Variants in CCDC91 observed in about 807,000 individuals in gnomAD.
CCDC91 encodes the protein coiled-coil domain-containing protein 91.
In CCDC91, 48 loss-of-function variants were observed where a neutral mutation model predicts 63.2. The observed-to-expected ratio is 0.76, with a 90% confidence interval of 0.60 to 0.97. The LOEUF is 0.97. Among genes scored for constraint, CCDC91 ranks in the 50% least tolerant of loss-of-function variants. The pLI is 0.00. For missense variants in CCDC91, 500 were observed against 494.6 expected, an observed-to-expected ratio of 1.01 and a Z score of -0.10; for synonymous variants, 167 against 165.8, an observed-to-expected ratio of 1.01 and a Z score of -0.06.
chr12:28,523,318 C>T lies in CCDC91; in HGVS notation c.1216-25745C>T, dbSNP rs561100368. Among the ~76,000 whole-genome samples, 6 of 152,282 alleles carry T rather than the reference C, an allele frequency of 3.9e-5. No individual in the cohort carries two copies. In the East Asian group the frequency reaches 1.2e-3, roughly 29 times the overall value. On this transcript the variant is annotated intron_variant, in intron 12 of 12. Transcript: ENST00000536442. ...TCTTCTTGTTGAATTGATCCCTTTA[C>T]CATTATGTAATGGCCTTCTTTGTCT... is the stretch of plus-strand genomic sequence containing the variant.
intron 8 of CCDC91, among the ~76,000 whole-genome samples, chr12:28,435,807 CA>C (rs1415894031): frequency 6.6e-6 from 1 of 151,634 alleles, no homozygotes; most frequent in African/African-American, 2.4e-5. Context: ...AGTTTGCATC[CA>C]AATTGTTATG....
rs775223729 is a variant in CCDC91 at position 28,362,412 on chromosome 12, T to C, written c.577-26T>C. 3.4e-6 allele frequency: 5 copies of C among 1,486,466 alleles called. No homozygotes were observed. The African/African-American group carries it at 5.6e-5, about 17-fold the overall frequency. 92.1% of individuals were successfully genotyped at this position (1,486,466 alleles called of 1,614,324 possible). On this transcript the variant is annotated intron_variant, in intron 6 of 12. Transcript: ENST00000536442. ...GAAAACAAAACAGAAGAAAAACTCA[T>C]GGTTTTAGTTTCTTTTTTCTTTCAG...
intron 8 of CCDC91, among the ~76,000 whole-genome samples, chr12:28,402,936 G>A (rs1357926207): frequency 6.6e-6 from 1 of 152,080 alleles, no homozygotes; most frequent in Non-Finnish European, 1.5e-5. Context: ...TTGATATGGT[G>A]GGTTACATTA....
chr12:28,213,295 A>G (rs1943362089), intron 1 of CCDC91, among the ~76,000 whole-genome samples: 1 of 152,180 alleles, frequency 6.6e-6, no homozygotes. Flanking sequence ...CTATAACTAC[A>G]CTCAAGTCTT....
chr12:28,359,592 A>G (rs1229228922), intron 6 of CCDC91, among the ~76,000 whole-genome samples: 1 of 152,152 alleles, frequency 6.6e-6, no homozygotes, highest in African/African-American at 2.4e-5. Context: ...ATATGTGAAT[A>G]TATGTTGTTA....
intron 8 of CCDC91, among the ~76,000 whole-genome samples, chr12:28,443,739 G>C (rs942367510): frequency 6.6e-6 from 1 of 152,056 alleles, no homozygotes; most frequent in African/African-American, 2.4e-5. Flanking sequence ...AAGCTAACTG[G>C]GATGACAGAA....
chr12:28,341,386 G>A (rs925662987), intron 6 of CCDC91, among the ~76,000 whole-genome samples: 2 of 151,986 alleles, frequency 1.3e-5, no homozygotes, highest in Non-Finnish European at 2.9e-5. Flanking sequence ...AGCACTTTCC[G>A]GCCCCCCTCC....
chr12:28,237,229 T>TACACACACACACAC (rs1354315062), intron 1 of CCDC91, among the ~76,000 whole-genome samples: 10 of 23,328 alleles, frequency 4.3e-4, no homozygotes, highest in Admixed American at 1.6e-3. Context: ...ACATGTGTAT[T>TACACACACACACAC]ACACATACAC....
At chr12:28,355,298 A>G (rs1270222871) in intron 6 of CCDC91, among the ~76,000 whole-genome samples, 2 of 152,170 alleles carry the variant, frequency 1.3e-5, no homozygotes, top group East Asian at 3.8e-4. Flanking sequence ...TTGAAGTAGC[A>G]GTGGGAACAG....
chr12:28,362,499 T>C lies in CCDC91; in HGVS notation c.638T>C (p.Ile213Thr), dbSNP rs1316757897. Reference protein sequence around the residue: ...RKAGHEALSIIVDEYKALLQS... With the variant: ...RKAGHEALSITVDEYKALLQS... ...GCTGGTCACGAAGCCCTCAGCATTA[T>C]TGTGGATGAATATAAGGTAGAGGTT... Residue 213 changes from isoleucine to threonine, a missense_variant, in exon 7 of 13, where the codon ATT (isoleucine) becomes ACT (threonine). Ile to Thr is a moderately conservative substitution (Grantham distance 89, BLOSUM62 -1). Coordinates refer to ENST00000536442, the MANE Select transcript of CCDC91 (RefSeq NM_018318.5). 3 of 1,594,668 alleles carry C rather than the reference T, an allele frequency of 1.9e-6. No homozygotes were observed. Among genetic ancestry groups the C allele is most frequent in the Non-Finnish European group, 2.6e-6 (3 of 1,170,084 alleles).
At chr12:28,271,152 A>G (rs1947743659) in intron 3 of CCDC91, among the ~76,000 whole-genome samples, 1 of 152,128 alleles carries the variant, frequency 6.6e-6, no homozygotes, top group African/African-American at 2.4e-5. Context: ...CAGGATTAGC[A>G]AGGCAAACGC....
At chr12:28,503,635 C>T (rs1408128185) in intron 12 of CCDC91, among the ~76,000 whole-genome samples, 2 of 152,062 alleles carry the variant, frequency 1.3e-5, no homozygotes, top group East Asian at 1.9e-4. Flanking sequence ...CACATGCACA[C>T]GTATGTTTAT....
At chr12:28,417,928 T>C (rs1397058166) in intron 8 of CCDC91, among the ~76,000 whole-genome samples, 1 of 152,110 alleles carries the variant, frequency 6.6e-6, no homozygotes, top group Non-Finnish European at 1.5e-5. Flanking sequence ...TGGTCCTACA[T>C]TGAGTGGTAA....
At chr12:28,330,967 A>G (rs553525274) in intron 6 of CCDC91, among the ~76,000 whole-genome samples, 2 of 152,330 alleles carry the variant, frequency 1.3e-5, no homozygotes, top group East Asian at 3.9e-4. Flanking sequence ...AGTAAGGATA[A>G]TAAAACTGAT....
intron 12 of CCDC91, among the ~76,000 whole-genome samples, chr12:28,520,587 T>C (rs916688529): frequency 1.3e-5 from 2 of 152,196 alleles, no homozygotes; most frequent in African/African-American, 2.4e-5. Context: ...TAGATCCCAT[T>C]TGTCAATTTT....
At chr12:28,393,274 G>A (rs1946062699) in intron 8 of CCDC91, among the ~76,000 whole-genome samples, 1 of 152,002 alleles carries the variant, frequency 6.6e-6, no homozygotes, top group Non-Finnish European at 1.5e-5. Flanking sequence ...TACAGTTAAG[G>A]GTAATGATTC....
At chr12:28,399,419 G>A (rs1946482557) in intron 8 of CCDC91, among the ~76,000 whole-genome samples, 1 of 152,134 alleles carries the variant, frequency 6.6e-6, no homozygotes, top group African/African-American at 2.4e-5. Flanking sequence ...CAAAATTCAA[G>A]ATGAGATTTG....
intron 8 of CCDC91, among the ~76,000 whole-genome samples, chr12:28,408,187 A>G (rs1191872839): frequency 6.6e-6 from 1 of 151,798 alleles, no homozygotes; most frequent in African/African-American, 2.4e-5. Flanking sequence ...CCCAGTGTCC[A>G]TGTGTTCTCA....
At chr12:28,298,423 C>T (rs1038832303) in intron 3 of CCDC91, among the ~76,000 whole-genome samples, 1 of 148,404 alleles carries the variant, frequency 6.7e-6, no homozygotes, top group Admixed American at 6.8e-5. Context: ...TACTTTGAAG[C>T]TGGATCTTTT....
Sources: gnomAD v4.1 joint callset for allele counts (sites outside exome capture counted in the v4.1 genomes callset) on GRCh38, gnomAD v4.1.1 for gene constraint, MANE v1.5 for transcripts, NCBI Gene and HGNC (gene_info 2026-07-23, HGNC 2026-07-21) for gene names.